OSBP2: variants seen among roughly 807,000 people sequenced by gnomAD.
OSBP2 encodes the protein oxysterol binding protein 2.
OSBP2 carries 66 observed loss-of-function variants against 96.0 expected under a neutral mutation model. The ratio of observed to expected loss-of-function variants is 0.69; its 90% CI spans 0.56 to 0.84. OSBP2 has a LOEUF of 0.84. OSBP2 is among the 40% of genes least tolerant of loss of function. The probability of loss-of-function intolerance (pLI) is 0.00; values close to 1 mark genes in which losing one functional copy is unlikely to be tolerated. For synonymous variants in OSBP2, 525 were observed against 520.9 expected (o/e 1.01, Z -0.11); for missense variants, 1,038 against 1,222.7 (o/e 0.85, Z 2.25).
chr22:30,747,813 C>T (rs1306513907), intron 2 of OSBP2, among the ~76,000 whole-genome samples: 1 of 152,230 alleles, frequency 6.6e-6, no homozygotes, highest in African/African-American at 2.4e-5. Context: ...AGCTGTTCCT[C>T]TCTCTTGAGA....
chr22:30,742,995 A>C (rs995150391), intron 2 of OSBP2, among the ~76,000 whole-genome samples: 1 of 152,226 alleles, frequency 6.6e-6, no homozygotes, highest in Non-Finnish European at 1.5e-5. Flanking sequence ...TTGCCTGCCC[A>C]GAGCTACAGT....
chr22:30,791,389 T>C (rs895013813), intron 2 of OSBP2, among the ~76,000 whole-genome samples: 2 of 144,570 alleles, frequency 1.4e-5, no homozygotes, highest in Non-Finnish European at 3.0e-5. Flanking sequence ...TGCAGTTGTG[T>C]GATCTCGGCT....
chr22:30,730,889 T>C (rs1382551280), intron 1 of OSBP2, among the ~76,000 whole-genome samples: 2 of 147,324 alleles, frequency 1.4e-5, no homozygotes, highest in Non-Finnish European at 3.0e-5. Context: ...AAAGAGCTAA[T>C]GCTGGCCGGG....
chr22:30,752,399 C>T (rs951635423), intron 2 of OSBP2, among the ~76,000 whole-genome samples: 1 of 142,322 alleles, frequency 7.0e-6, no homozygotes, highest in Non-Finnish European at 1.5e-5. Context: ...CCTGGGTTCA[C>T]GCCATTCTTC....
rs762779217 is a variant in OSBP2 at position 30,893,632 on chromosome 22, C to T, written c.2095-6C>T. 1.7e-5 allele frequency: 27 copies of T among 1,614,046 alleles called. No homozygotes were observed. The highest frequency in any genetic ancestry group is 6.6e-5 in the South Asian group (6 of 91,080). ...CTGGCCGCTGACCACTGCCCTCCTT[C>T]GCCAGTCAGGGGACATCGAGATTGT... On this transcript the variant is annotated splice_polypyrimidine_tract_variant and splice_region_variant and intron_variant, in intron 10 of 13. Transcript: ENST00000332585.
At position 30,765,684 on chromosome 22, in the gene OSBP2, A is replaced by T. The variant is rs181276966; in HGVS notation, c.853+24315A>T. 1.5e-4 allele frequency among the ~76,000 whole-genome samples: 23 copies of T among 152,172 alleles called. No homozygotes were observed. In the East Asian group the frequency reaches 3.3e-3, roughly 22 times the overall value. ...TTGGAGGGAGGTTTAATTCAGCTTT[A>T]CTCCACATATTTATTTAATGTGCTG... On this transcript the variant is annotated intron_variant, in intron 2 of 13. Coordinates refer to ENST00000332585, the MANE Select transcript of OSBP2 (RefSeq NM_030758.4).
chr22:30,902,567 C>A, intron 12 of OSBP2: 1 of 1,015,978 alleles, frequency 9.8e-7, no homozygotes, highest in Non-Finnish European at 1.5e-6. Context: ...GGGAAACAGG[C>A]CCCCAACTGG....
intron 2 of OSBP2, among the ~76,000 whole-genome samples, chr22:30,785,501 A>G (rs566663246): frequency 7.0e-6 from 1 of 143,842 alleles, no homozygotes; most frequent in African/African-American, 2.6e-5. Flanking sequence ...CAGGAGGTGG[A>G]GGTTGCAGTG....
At chr22:30,799,545 C>T (rs2090822019) in intron 2 of OSBP2, among the ~76,000 whole-genome samples, 1 of 152,270 alleles carries the variant, frequency 6.6e-6, no homozygotes, top group Non-Finnish European at 1.5e-5. Context: ...CAAAGGGCAA[C>T]TTGCCCTGGG....
chr22:30,798,831 G>A (rs1316500612), intron 2 of OSBP2, among the ~76,000 whole-genome samples: 1 of 151,868 alleles, frequency 6.6e-6, no homozygotes, highest in Non-Finnish European at 1.5e-5. Context: ...TGGCCAACAT[G>A]GTGAAACCTT....
chr22:30,731,250 T>C (rs750301852), intron 1 of OSBP2, among the ~76,000 whole-genome samples: 27 of 151,964 alleles, frequency 1.8e-4, no homozygotes, highest in Non-Finnish European at 3.7e-4. Flanking sequence ...GAAGGAGCAA[T>C]GGCAAGTGGC....
At chr22:30,713,560 A>G (rs1294509168) in intron 1 of OSBP2, among the ~76,000 whole-genome samples, 1 of 151,990 alleles carries the variant, frequency 6.6e-6, no homozygotes, top group Non-Finnish European at 1.5e-5. Context: ...TCCCAGGCTC[A>G]AGTGATCCTC....
At chr22:30,730,808 AATT>A (rs869027848) in intron 1 of OSBP2, among the ~76,000 whole-genome samples, 1,958 of 39,354 alleles carry the variant, frequency 0.05, 207 homozygotes, top group South Asian at 0.1. Flanking sequence ...ATATATATAT[AATT>A]TTTTTTTTTT....
intron 2 of OSBP2, among the ~76,000 whole-genome samples, chr22:30,843,057 TACAGG>T (rs2038787583): frequency 6.6e-6 from 1 of 152,200 alleles, no homozygotes; most frequent in African/African-American, 2.4e-5. Flanking sequence ...GTGCTGGGAT[TACAGG>T]TGTGAGCCAC....
chr22:30,850,141 T>C (rs2038951438), intron 2 of OSBP2, among the ~76,000 whole-genome samples: 1 of 151,792 alleles, frequency 6.6e-6, no homozygotes, highest in African/African-American at 2.4e-5. Flanking sequence ...CATTCTCTAC[T>C]AAAAATACAA....
At chr22:30,809,155 T>C (rs751671034) in intron 2 of OSBP2, among the ~76,000 whole-genome samples, 1 of 152,206 alleles carries the variant, frequency 6.6e-6, no homozygotes, top group African/African-American at 2.4e-5. Context: ...GTGGCCTTGC[T>C]GACACCTTGA....
rs1483279020 is a variant in OSBP2, at chr22:30,881,411, C to G, written c.1108-6015C>G. 6.6e-6 allele frequency among the ~76,000 whole-genome samples: 1 copy of G among 152,170 alleles called. No individual in the cohort carries two copies. Among genetic ancestry groups the G allele is most frequent in the Non-Finnish European group, 1.5e-5 (1 of 68,018 alleles). The stretch of plus-strand genomic sequence containing the variant: ...CCACCTCCAGCTCCCACTAGGACCC[C>G]TCACTCTCTTCCCCTTAAACAATTC... On this transcript the variant is annotated intron_variant, in intron 3 of 13. Coordinates refer to ENST00000332585, the MANE Select transcript of OSBP2 (RefSeq NM_030758.4). The surrounding 1 kb of genome is among the most constrained non-coding windows in gnomAD (Gnocchi z 4.5).
At chr22:30,850,861 T>C (rs930703460) in intron 2 of OSBP2, among the ~76,000 whole-genome samples, 3 of 152,206 alleles carry the variant, frequency 2.0e-5, no homozygotes, top group African/African-American at 7.2e-5. Flanking sequence ...CCTGGGTTAC[T>C]GAATGGGATT....
At position 30,897,019 on chromosome 22, in the gene OSBP2, T is replaced by C. The variant is rs759771180; in HGVS notation, c.2375+3018T>C. Among the ~76,000 whole-genome samples the C allele has an allele frequency of 1.7e-3, 252 of 152,226 alleles. 5 individuals carry two copies. The highest frequency in any genetic ancestry group is 2.1e-4 in the Non-Finnish European group (14 of 68,006). ...CCCAAAATATAAAGGTATATAAAAGTTGAAATTAAAAGACACATATCATGA... is the reference window on the plus strand; with the variant it reads ...CCCAAAATATAAAGGTATATAAAAGCTGAAATTAAAAGACACATATCATGA... On this transcript the variant is annotated intron_variant, in intron 12 of 13. Coordinates refer to ENST00000332585, the MANE Select transcript of OSBP2 (RefSeq NM_030758.4).
Sources: gnomAD v4.1 joint callset for allele counts (sites outside exome capture counted in the v4.1 genomes callset) on GRCh38, gnomAD v4.1.1 for gene constraint, Gnocchi (gnomAD v3.1) non-coding constraint, MANE v1.5 for transcripts, NCBI Gene and HGNC (gene_info 2026-07-23, HGNC 2026-07-21) for gene names.